The following ROBO4 variants were observed in gnomAD, a reference collection of about 807,000 sequenced individuals.
ROBO4 encodes roundabout guidance receptor 4, also known as roundabout homolog 4.
Under a neutral mutation model 103.3 loss-of-function variants are expected in ROBO4, and 80 were observed. That is an observed-to-expected ratio of 0.77 (90% confidence interval 0.65 to 0.93). ROBO4 has a LOEUF of 0.93. Among genes scored for constraint, ROBO4 ranks in the 40% least tolerant of loss-of-function variants. The pLI is 0.00. For missense variants in ROBO4, 1,333 were observed against 1,305.3 expected, an observed-to-expected ratio of 1.02 and a Z score of -0.33; for synonymous variants, 504 against 529.7, an observed-to-expected ratio of 0.95 and a Z score of 0.67.
Position 124,893,877 on chromosome 11 carries a change from C to A in ROBO4, c.1487G>T (p.Arg496Met), listed in dbSNP as rs1237019882. ...AVCIHRRRRA[R>M]VHLGPGLYRY... ...ACTCTCACCTGGGCCCAGGTGCACC[C>A]TAGCTCGGCGCCGGCGGTGGATACA... The change falls in exon 9 of 18, where the codon AGG (arginine) becomes ATG (methionine). Residue 496 changes from arginine (R) to methionine (M), a missense_variant. By Grantham distance (91) the Arg-to-Met change is moderately conservative. Transcript: ENST00000306534. 6.2e-7 allele frequency: 1 copy of A among 1,613,024 alleles called. No homozygotes were observed. The highest frequency in any genetic ancestry group is 8.5e-7 in the Non-Finnish European group (1 of 1,179,814).
chr11:124,886,483 C>T lies in ROBO4; in HGVS notation c.2775G>A (p.Glu925=). ...ACATACCTATGAAGACGCAGTCTGCCTCCCTGGGCTCTAGACCGAAACCAA... is the reference window on the plus strand; with the variant it reads ...ACATACCTATGAAGACGCAGTCTGCTTCCCTGGGCTCTAGACCGAAACCAA... The part of the protein sequence containing the change: ...DSFGFGLEPR[E]ADCVFIDASS... The change falls in exon 16 of 18, where the codon GAG becomes GAA. Residue 925 remains glutamate, a synonymous_variant. Transcript: ENST00000306534. 1.2e-6 allele frequency: 2 copies of T among 1,613,454 alleles called. No homozygotes were observed. Among genetic ancestry groups the T allele is most frequent in the Non-Finnish European group, 1.7e-6 (2 of 1,179,446 alleles).
At position 124,885,223 on chromosome 11, in the gene ROBO4, C is replaced by A. The variant is rs771372611; in HGVS notation, c.2819G>T (p.Arg940Leu). The change falls in exon 17 of 18, where the codon CGG (arginine) becomes CTG (leucine). Residue 940 changes from arginine to leucine, a missense_variant. Physicochemically the swap from Arg to Leu is moderately radical, Grantham distance 102 (BLOSUM62 -2). Coordinates refer to ENST00000306534, the MANE Select transcript of ROBO4 (RefSeq NM_019055.6). ...FIDASSPPSP[R>L]DEIFLTPNLS... is the part of the protein sequence containing the mutation. ...GTTGGGGGTCAGGAAGATCTCATCC[C>A]GTGGGGAGGGAGGTGATGAGGCATC... The A allele has an allele frequency of 1.9e-6, 3 of 1,612,634 alleles. No homozygotes were observed. The highest frequency in any genetic ancestry group is 2.7e-5 in the African/African-American group (2 of 75,018).
chr11:124,885,176 A>C lies in ROBO4; in HGVS notation c.2866T>G (p.Trp956Gly). ...TPNLSLPLWE[W>G]RPDWLEDMEV... is the part of the protein sequence containing the mutation. ...ATGTCTTCCAACCAGTCTGGCCTCCACTCCCACAGGGGCAGGGAGAGGTTG... is the reference window on the plus strand; with the variant it reads ...ATGTCTTCCAACCAGTCTGGCCTCCCCTCCCACAGGGGCAGGGAGAGGTTG... The change falls in exon 17 of 18, where the codon TGG becomes GGG. Residue 956 changes from tryptophan to glycine, a missense_variant. Transcript: ENST00000306534. 6.2e-7 allele frequency: 1 copy of C among 1,613,682 alleles called. No individual in the cohort carries two copies.
rs1946886726 is a variant in ROBO4, at chr11:124,896,188, C to T, written c.679+10G>A. 1 of 1,613,338 alleles carries T rather than the reference C, an allele frequency of 6.2e-7. No homozygotes were observed. ...GCCTGGCTCTGATTGTAGCCCACCC[C>T]TGCCCTTACCCTGGATGGAAACCCG... On this transcript the variant is annotated intron_variant, in intron 4 of 17. Transcript: ENST00000306534.
Position 124,884,676 on chromosome 11 carries a change from G to T in ROBO4, c.*215C>A. 1.6e-6 allele frequency: 1 copy of T among 613,020 alleles called. No homozygotes were observed. Among genetic ancestry groups the T allele is most frequent in the South Asian group, 2.0e-5 (1 of 50,484 alleles). 38.0% of individuals were successfully genotyped at this position (613,020 alleles called of 1,614,324 possible). A position where few individuals can be genotyped will look rare whatever the true frequency, so the allele number is the denominator to read the frequency against. ...CAGTGGCTAGGAGTCAGGTGGAGAT[G>T]ATGTTTTGCTCCCTGAGGGCTCCAG... On this transcript the variant is annotated 3_prime_UTR_variant, in exon 18 of 18. Coordinates refer to ENST00000306534, the MANE Select transcript of ROBO4 (RefSeq NM_019055.6).
intron 15 of ROBO4, 54 bp from the exon 16 acceptor site, chr11:124,886,876 A>G (rs1393952445): frequency 2.6e-6 from 4 of 1,530,380 alleles, no homozygotes; most frequent in Non-Finnish European, 3.5e-6. Flanking sequence ...TGAGGGTTGT[A>G]GTAACAGAAA....
At chr11:124,896,903 C>T (rs763581282) in intron 2 of ROBO4, 29 bp downstream of exon 2, 2 of 1,599,470 alleles carry the variant, frequency 1.3e-6, no homozygotes, top group South Asian at 1.1e-5. Flanking sequence ...AGGTTTGCCC[C>T]ACCCTGAAGC....
chr11:124,886,360 T>C, intron 16 of ROBO4, 104 bp downstream of exon 16: 1 of 892,618 alleles, frequency 1.1e-6, no homozygotes, highest in Non-Finnish European at 1.8e-6. Context: ...TGAGATACAA[T>C]AATCATTCAA....
chr11:124,884,753 G>A lies in ROBO4; in HGVS notation c.*138C>T. The A allele has an allele frequency of 1.1e-6, 1 of 943,522 alleles. No homozygotes were observed. The highest frequency in any genetic ancestry group is 1.7e-6 in the Non-Finnish European group (1 of 586,990). 58.4% of individuals were successfully genotyped at this position (943,522 alleles called of 1,614,324 possible). A position where few individuals can be genotyped will look rare whatever the true frequency, so the allele number is the denominator to read the frequency against. On this transcript the variant is annotated 3_prime_UTR_variant, in exon 18 of 18. Transcript: ENST00000306534. Reference sequence around the variant, plus strand: ...ATTTGTTTTCACAATCGTGGAGGGAGAACTCTCTGGAGGCTTGGGAAGGTG... The same window carrying A: ...ATTTGTTTTCACAATCGTGGAGGGAAAACTCTCTGGAGGCTTGGGAAGGTG...
chr11:124,889,911 C>A (rs1000516169), intron 12 of ROBO4, among the ~76,000 whole-genome samples: 1 of 152,114 alleles, frequency 6.6e-6, no homozygotes, highest in African/African-American at 2.4e-5. Context: ...TGCAGTTGAC[C>A]TATCCTGGGG....
rs773831100 is a variant in ROBO4, at chr11:124,891,722, C to T, written c.1628G>A (p.Ser543Asn). 3 of 1,614,000 alleles carry T rather than the reference C, an allele frequency of 1.9e-6. No homozygotes were observed. In the South Asian group the frequency reaches 3.3e-5, roughly 18 times the overall value. ...SGSRDLSSSSSLSSRLGADAR... is the reference protein window; with the variant it reads ...SGSRDLSSSSNLSSRLGADAR... ...ATCCGCCCCCAGCCGACTGCTGAGG[C>T]TGCTGCTGCTGCTCAGGTCCCGAGA... The change falls in exon 11 of 18, where the codon AGC becomes AAC. Residue 543 changes from serine to asparagine, a missense_variant. By Grantham distance (46) the Ser-to-Asn change is conservative. Transcript: ENST00000306534.
intron 12 of ROBO4, 109 bp downstream of exon 12, chr11:124,891,190 T>C: frequency 7.9e-7 from 1 of 1,263,850 alleles, no homozygotes; most frequent in Middle Eastern, 2.9e-4. Context: ...GGAAGGAGGG[T>C]GTGGAGGTTG....
chr11:124,891,928 T>A, intron 10 of ROBO4, 126 bp from the exon 11 acceptor site: 1 of 1,099,336 alleles, frequency 9.1e-7, no homozygotes, highest in South Asian at 1.3e-5. Flanking sequence ...TCCTTACTAC[T>A]GCTTTTCAGC....
Position 124,893,878 on chromosome 11 carries a change from T to C in ROBO4, c.1486A>G (p.Arg496Gly), listed in dbSNP as rs369549813. 46 of 1,612,938 alleles carry C rather than the reference T, an allele frequency of 2.9e-5. No homozygotes were observed. In the East Asian group the frequency reaches 2.9e-4, roughly 10 times the overall value. Residue 496 changes from arginine to glycine, a missense_variant, in exon 9 of 18, where the codon AGG (arginine) becomes GGG (glycine). Transcript: ENST00000306534. ...CTCTCACCTGGGCCCAGGTGCACCCTAGCTCGGCGCCGGCGGTGGATACAC... is the reference window on the plus strand; with the variant it reads ...CTCTCACCTGGGCCCAGGTGCACCCCAGCTCGGCGCCGGCGGTGGATACAC... ...AVCIHRRRRA[R>G]VHLGPGLYRY... is the part of the protein sequence containing the mutation.
In ROBO4 at chr11:124,885,220, TC is replaced by T. The variant is rs777292717; in HGVS notation, c.2821del (p.Asp941MetfsTer5). 1 of 1,612,856 alleles carries T rather than the reference TC, an allele frequency of 6.2e-7. No homozygotes were observed. The highest frequency in any genetic ancestry group is 1.7e-5 in the Admixed American group (1 of 60,022). On this transcript the variant is annotated frameshift_variant, in exon 17 of 18. Transcript: ENST00000306534. LOFTEE classifies it high-confidence loss of function. ...GAGGTTGGGGGTCAGGAAGATCTCATCCCGTGGGGAGGGAGGTGATGAGGCA... is the reference window on the plus strand; with the variant it reads ...GAGGTTGGGGGTCAGGAAGATCTCATCCGTGGGGAGGGAGGTGATGAGGCA... ...IDASSPPSPR[D>X]EIFLTPNLSL...
chr11:124,886,870 G>T (rs1303820722), intron 15 of ROBO4, 48 bp from the exon 16 acceptor site: 1 of 1,530,622 alleles, frequency 6.5e-7, no homozygotes, highest in Admixed American at 2.0e-5. Context: ...GTGGAATGAG[G>T]GTTGTAGTAA....
Position 124,887,689 on chromosome 11 carries a change from C to T in ROBO4, c.2056+44G>A, listed in dbSNP as rs1156581716. 2.5e-6 allele frequency: 4 copies of T among 1,588,896 alleles called. No individual in the cohort carries two copies. In the East Asian group the frequency reaches 8.9e-5, roughly 36 times the overall value. On this transcript the variant is annotated intron_variant, in intron 13 of 17. Transcript: ENST00000306534. ...GCTGGTAAGCCCCTGCATCCCTACA[C>T]CCTATCTCACCCCTTCACTTCCCTT...
intron 14 of ROBO4, 40 bp downstream of exon 14, chr11:124,887,318 C>G (rs371216915): frequency 2.9e-5 from 47 of 1,613,364 alleles, no homozygotes; most frequent in Non-Finnish European, 3.9e-5. Flanking sequence ...CCCACACCCC[C>G]ACTCTCCCAG....
rs761929531 is a variant in ROBO4 at position 124,886,676 on chromosome 11, C to T, written c.2582G>A (p.Arg861Gln). 5.8e-5 allele frequency: 93 copies of T among 1,612,964 alleles called. No homozygotes were observed. The highest frequency in any genetic ancestry group is 2.7e-4 in the African/African-American group (20 of 74,922). The change falls in exon 16 of 18, where the codon CGG (arginine) becomes CAG (glutamine). Residue 861 changes from arginine to glutamine, a missense_variant. By Grantham distance (43) the Arg-to-Gln change is conservative (BLOSUM62 1). Transcript: ENST00000306534. ...GCTGGGGGTGGGGGTGAGGCAGGGC[C>T]GAGGTGGGCACAGCAAGACTCCCCC... ...PKGGVLLCPP[R>Q]PCLTPTPSEG... is the part of the protein sequence containing the mutation.
Sources: gnomAD v4.1 joint callset for allele counts (sites outside exome capture counted in the v4.1 genomes callset) on GRCh38, gnomAD v4.1.1 for gene constraint, MANE v1.5 for transcripts, NCBI Gene and HGNC (gene_info 2026-07-23, HGNC 2026-07-21) for gene names.